LHFPL3: variants seen among roughly 807,000 people sequenced by gnomAD.
LHFPL3 encodes LHFPL tetraspan subfamily member 3, also known as LHFPL tetraspan subfamily member 3 protein.
In LHFPL3, 5 loss-of-function variants were observed where a neutral mutation model predicts 19.3. That is an observed-to-expected ratio of 0.26 (90% CI 0.14 to 0.54). The LOEUF (loss-of-function observed/expected upper bound fraction) is 0.54. Ranked by LOEUF, LHFPL3 falls within the 20% of genes least tolerant of loss-of-function variation. The pLI is 0.94. For synonymous variants in LHFPL3, 133 were observed against 126.2 expected (o/e 1.05, Z -0.36); for missense variants, 249 against 307.4 (o/e 0.81, Z 1.42).
intron 2 of LHFPL3, among the ~76,000 whole-genome samples, chr7:104,841,734 TA>T (rs1791214531): frequency 6.6e-6 from 1 of 152,200 alleles, no homozygotes; most frequent in Non-Finnish European, 1.5e-5. Context: ...GACGGATCTT[TA>T]AAATAACTTT....
chr7:104,551,745 C>T (rs1381094391), intron 1 of LHFPL3, among the ~76,000 whole-genome samples: 2 of 152,052 alleles, frequency 1.3e-5, no homozygotes, highest in East Asian at 3.9e-4. Flanking sequence ...ATTGGTGATT[C>T]TTAGAAATAA....
intron 1 of LHFPL3, among the ~76,000 whole-genome samples, chr7:104,465,541 G>A (rs148448434): frequency 4.6e-5 from 7 of 152,334 alleles, no homozygotes; most frequent in African/African-American, 1.7e-4. Context: ...CATGGCTGGG[G>A]AGGCCTCAGG....
chr7:104,480,496 G>T (rs1793113387), intron 1 of LHFPL3, among the ~76,000 whole-genome samples: 1 of 152,152 alleles, frequency 6.6e-6, no homozygotes, highest in African/African-American at 2.4e-5. Flanking sequence ...AACTTTACTT[G>T]AAAAATTGGT....
At chr7:104,443,392 T>C (rs1792264561) in intron 1 of LHFPL3, among the ~76,000 whole-genome samples, 1 of 152,230 alleles carries the variant, frequency 6.6e-6, no homozygotes, top group Non-Finnish European at 1.5e-5. Context: ...CTTTAGGGTC[T>C]GTATTCTCCT....
chr7:104,767,752 T>C (rs1431602002), intron 2 of LHFPL3, among the ~76,000 whole-genome samples: 1 of 152,188 alleles, frequency 6.6e-6, no homozygotes, highest in Non-Finnish European at 1.5e-5. Flanking sequence ...ACGGGTTGGC[T>C]TGAGAACAAA....
chr7:104,516,140 C>T (rs1022225150), intron 1 of LHFPL3, among the ~76,000 whole-genome samples: 1 of 152,076 alleles, frequency 6.6e-6, no homozygotes, highest in Non-Finnish European at 1.5e-5. Flanking sequence ...CCTCAGGAAA[C>T]TTACAATCAT....
chr7:104,698,198 G>C (rs1019771980), intron 1 of LHFPL3, among the ~76,000 whole-genome samples: 3 of 152,134 alleles, frequency 2.0e-5, no homozygotes, highest in Non-Finnish European at 2.9e-5. Flanking sequence ...TATTGCATAA[G>C]AGTCAAAAAT....
chr7:104,819,683 T>C (rs2465067), intron 2 of LHFPL3, among the ~76,000 whole-genome samples: 151,670 of 152,354 alleles, frequency 1, 75,498 homozygotes, highest in Middle Eastern at 1. Flanking sequence ...CACAGGGAAG[T>C]CCTTTGCTTG....
At chr7:104,778,651 T>C (rs1174850722) in intron 2 of LHFPL3, among the ~76,000 whole-genome samples, 1 of 152,218 alleles carries the variant, frequency 6.6e-6, no homozygotes, top group Admixed American at 6.5e-5. Flanking sequence ...TAGGGCTCAC[T>C]TTCCCCTCGC....
intron 1 of LHFPL3, among the ~76,000 whole-genome samples, chr7:104,476,392 A>G (rs961874834): frequency 2.0e-5 from 3 of 152,136 alleles, no homozygotes; most frequent in African/African-American, 7.2e-5. Flanking sequence ...ATAGGAGTAT[A>G]TAAATGACTT....
chr7:104,701,190 T>A (rs2116174559), intron 1 of LHFPL3, among the ~76,000 whole-genome samples: 1 of 152,326 alleles, frequency 6.6e-6, no homozygotes, highest in East Asian at 1.9e-4. Flanking sequence ...TCATCAAGCA[T>A]CTAGTGTTGC....
intron 1 of LHFPL3, among the ~76,000 whole-genome samples, chr7:104,569,723 G>C (rs1465488023): frequency 2.6e-5 from 4 of 151,984 alleles, no homozygotes; most frequent in Non-Finnish European, 4.4e-5. Context: ...ATTTAGTTCT[G>C]ACAGCAAGCC....
chr7:104,799,249 A>T (rs1790193796), intron 2 of LHFPL3: 1 of 152,172 alleles, frequency 6.6e-6, no homozygotes, highest in African/African-American at 2.4e-5. Flanking sequence ...AAGGCACAGG[A>T]ATTGTTGTTA....
chr7:104,396,163 T>C (rs1791180834), intron 1 of LHFPL3, among the ~76,000 whole-genome samples: 1 of 152,192 alleles, frequency 6.6e-6, no homozygotes, highest in Non-Finnish European at 1.5e-5. Flanking sequence ...TTAGCCACAC[T>C]AAGAGGGACC....
intron 1 of LHFPL3, among the ~76,000 whole-genome samples, chr7:104,456,664 T>G (rs901254557): frequency 4.6e-5 from 7 of 152,202 alleles, no homozygotes; most frequent in Admixed American, 3.9e-4. Context: ...TTTGGCGTAT[T>G]TGAATTGCAA....
At chr7:104,488,000 A>G (rs1793270135) in intron 1 of LHFPL3, among the ~76,000 whole-genome samples, 1 of 152,194 alleles carries the variant, frequency 6.6e-6, no homozygotes, top group Non-Finnish European at 1.5e-5. Flanking sequence ...ATGGTCATGA[A>G]GTCCATATCT....
chr7:104,763,505 C>T lies in LHFPL3; in HGVS notation c.682+26594C>T, dbSNP rs1005654125. 2.6e-5 allele frequency among the ~76,000 whole-genome samples: 4 copies of T among 152,198 alleles called. No homozygotes were observed. In the East Asian group the frequency reaches 5.8e-4, roughly 22 times the overall value. On this transcript the variant is annotated intron_variant, in intron 2 of 2. Coordinates refer to ENST00000424859, the MANE Select transcript of LHFPL3 (RefSeq NM_199000.3). ...TGCCGTCTGCTGCAAGTAGAGACCG[C>T]GTTACTCAGACTCCCTGCAGTGCAG... is the stretch of plus-strand genomic sequence containing the variant.
chr7:104,596,801 G>A (rs771623045), intron 1 of LHFPL3, among the ~76,000 whole-genome samples: 25 of 152,194 alleles, frequency 1.6e-4, no homozygotes, highest in Non-Finnish European at 3.4e-4. Context: ...TGTGCAGCTA[G>A]GTCTTTGCAC....
intron 1 of LHFPL3, among the ~76,000 whole-genome samples, chr7:104,516,623 A>G (rs918525320): frequency 1.3e-5 from 2 of 152,138 alleles, no homozygotes; most frequent in Admixed American, 6.5e-5. Flanking sequence ...CAGAATGGCA[A>G]TGATTAAAAA....
Sources: gnomAD v4.1 joint callset for allele counts (sites outside exome capture counted in the v4.1 genomes callset) on GRCh38, gnomAD v4.1.1 for gene constraint, MANE v1.5 for transcripts, NCBI Gene and HGNC (gene_info 2026-07-23, HGNC 2026-07-21) for gene names.